The following FBN2 variants were observed in gnomAD, a reference collection of about 807,000 sequenced individuals.
FBN2 encodes the protein fibrillin 2.
In FBN2, 105 loss-of-function variants were observed where a neutral mutation model predicts 355.6. The observed-to-expected ratio is 0.30, with a 90% CI of 0.25 to 0.35. FBN2 has a LOEUF of 0.35. FBN2 is among the 10% of genes least tolerant of loss of function. FBN2 has a pLI of 1.00. For missense variants in FBN2, 3,280 were observed against 3,758.7 expected, an observed-to-expected ratio of 0.87 and a Z score of 3.33; for synonymous variants, 1,350 against 1,301.2, an observed-to-expected ratio of 1.04 and a Z score of -0.81.
chr5:128,294,398 C>T (rs964857915), intron 48 of FBN2, among the ~76,000 whole-genome samples: 100 of 152,258 alleles, frequency 6.6e-4, no homozygotes, highest in Admixed American at 1.9e-3. Flanking sequence ...TTCTAGATCC[C>T]TGAGGAATCG....
chr5:128,274,697 G>C lies in FBN2; in HGVS notation c.7595-14C>G, dbSNP rs771614468. On this transcript the variant is annotated splice_polypyrimidine_tract_variant and intron_variant, in intron 59 of 64. Coordinates refer to ENST00000262464, the MANE Select transcript of FBN2 (RefSeq NM_001999.4). Reference sequence around the variant, plus strand: ...ATTCATCAAGGTCTGAAATTAGAGAGAAGCCAGTGAAAATCACAGTAGACT... The same window carrying C: ...ATTCATCAAGGTCTGAAATTAGAGACAAGCCAGTGAAAATCACAGTAGACT... 4 of 1,482,632 alleles carry C rather than the reference G, an allele frequency of 2.7e-6. No individual in the cohort carries two copies. In the South Asian group the frequency reaches 3.4e-5, roughly 13 times the overall value. The allele number at this position is 1,482,632 out of a possible 1,614,324, so 91.8% of individuals were successfully genotyped here. A position where few individuals can be genotyped will look rare whatever the true frequency, so the allele number is the denominator to read the frequency against.
At chr5:128,292,137 C>T (rs1276823620) in intron 48 of FBN2, among the ~76,000 whole-genome samples, 1 of 152,160 alleles carries the variant, frequency 6.6e-6, no homozygotes, top group Non-Finnish European at 1.5e-5. Context: ...TGCCACCAGT[C>T]TCTCAACTGA....
intron 5 of FBN2, among the ~76,000 whole-genome samples, chr5:128,475,391 T>G (rs1195602992): frequency 6.6e-6 from 1 of 152,130 alleles, no homozygotes; most frequent in African/African-American, 2.4e-5. Context: ...CCTTTCAATA[T>G]TTAGACTCAA....
intron 4 of FBN2, among the ~76,000 whole-genome samples, chr5:128,523,945 C>G (rs931626842): frequency 6.6e-6 from 1 of 151,972 alleles, no homozygotes; most frequent in South Asian, 2.1e-4. Flanking sequence ...ATAATCCAGG[C>G]TCAACACAGC....
chr5:128,388,656 A>T (rs1752429613), intron 11 of FBN2, among the ~76,000 whole-genome samples: 1 of 152,244 alleles, frequency 6.6e-6, no homozygotes, highest in Non-Finnish European at 1.5e-5. Flanking sequence ...AATGCTGAAT[A>T]TAGGCACCCA....
intron 5 of FBN2, among the ~76,000 whole-genome samples, chr5:128,496,389 A>C (rs61578702): frequency 8.5e-4 from 129 of 152,272 alleles, no homozygotes; most frequent in African/African-American, 3.0e-3. Context: ...CAATCATTGT[A>C]ATACACCATA....
chr5:128,258,554 C>T lies in FBN2; in HGVS notation c.*901G>A, dbSNP rs1764876386. Reference sequence around the variant, plus strand: ...TTTCAAGGGAACGGCGGTTCTTCAGCTGCCTACAGTACCATGAGGACGCAG... The same window carrying T: ...TTTCAAGGGAACGGCGGTTCTTCAGTTGCCTACAGTACCATGAGGACGCAG... On this transcript the variant is annotated 3_prime_UTR_variant, in exon 65 of 65. Coordinates refer to ENST00000262464, the MANE Select transcript of FBN2 (RefSeq NM_001999.4). The T allele has an allele frequency of 1.3e-5, 2 of 152,560 alleles. No individual in the cohort carries two copies. Among genetic ancestry groups the T allele is most frequent in the Non-Finnish European group, 2.9e-5 (2 of 68,020 alleles). The allele number at this position is 152,560 out of a possible 1,614,324, so 9.5% of individuals were successfully genotyped here.
intron 5 of FBN2, among the ~76,000 whole-genome samples, 191 bp downstream of exon 5, chr5:128,519,082 G>A (rs1031442549): frequency 1.3e-5 from 2 of 152,100 alleles, no homozygotes; most frequent in African/African-American, 4.8e-5. Context: ...GAGTTCACTG[G>A]TGGAAAAAGT....
At chr5:128,346,245 C>T (rs181199599) in intron 23 of FBN2, among the ~76,000 whole-genome samples, 325 of 152,212 alleles carry the variant, frequency 2.1e-3, no homozygotes, top group Middle Eastern at 6.8e-3. Context: ...TATAAACAGT[C>T]GCCTACATCT....
rs766604067 is a variant in FBN2, at chr5:128,301,429, A to T, written c.5999T>A (p.Leu2000Gln). ...CFNEIGSFKC[L>Q]CNEGYELTPD... ...GGTAAGTTCATAACCTTCGTTACAT[A>T]GACACTTGAAAGAACCAATTTCATT... is the stretch of plus-strand genomic sequence containing the variant. Residue 2000 changes from leucine to glutamine, a missense_variant, in exon 47 of 65, where the codon CTA becomes CAA. Transcript: ENST00000262464. 4.3e-6 allele frequency: 7 copies of T among 1,613,176 alleles called. No homozygotes were observed. Among genetic ancestry groups the T allele is most frequent in the Non-Finnish European group, 5.9e-6 (7 of 1,179,366 alleles).
chr5:128,420,114 T>C (rs959533552), intron 7 of FBN2, among the ~76,000 whole-genome samples: 1 of 152,192 alleles, frequency 6.6e-6, no homozygotes, highest in Non-Finnish European at 1.5e-5. Context: ...TGGTATTTTT[T>C]AAAAAATGTA....
At chr5:128,303,232 G>A in intron 45 of FBN2, 143 bp from the exon 46 acceptor site, 1 of 655,778 alleles carries the variant, frequency 1.5e-6, no homozygotes, top group Non-Finnish European at 2.7e-6. Flanking sequence ...AGGAAAATGA[G>A]TAAGAGATAC....
At position 128,340,296 on chromosome 5, in the gene FBN2, T is replaced by G. The variant is rs938836837; in HGVS notation, c.3344-1235A>C. 6.6e-5 allele frequency among the ~76,000 whole-genome samples: 10 copies of G among 152,212 alleles called. No homozygotes were observed. The East Asian group carries it at 1.3e-3, about 21-fold the overall frequency. On this transcript the variant is annotated intron_variant, in intron 25 of 64. Transcript: ENST00000262464. The stretch of plus-strand genomic sequence containing the variant: ...TAGTGCATAATTTGTGCATGTTCTC[T>G]TGAGAGGGGGGTCTCAGTCTCTGCT...
intron 8 of FBN2, 134 bp downstream of exon 8, chr5:128,408,539 TG>T: frequency 9.7e-7 from 1 of 1,025,674 alleles, no homozygotes; most frequent in Non-Finnish European, 1.5e-6. Context: ...CCCTCAATAC[TG>T]GTACCGTTTA....
chr5:128,469,685 G>A (rs937715267), intron 5 of FBN2, among the ~76,000 whole-genome samples: 2 of 152,132 alleles, frequency 1.3e-5, no homozygotes, highest in Admixed American at 6.5e-5. Flanking sequence ...AAATTGTACA[G>A]GTGAACAGAG....
intron 7 of FBN2, among the ~76,000 whole-genome samples, chr5:128,443,079 G>A (rs1440147730): frequency 2.6e-5 from 4 of 152,170 alleles, no homozygotes; most frequent in Admixed American, 6.5e-5. Flanking sequence ...CAGTGAATGA[G>A]CAGAAGACAT....
intron 5 of FBN2, among the ~76,000 whole-genome samples, chr5:128,477,015 C>T (rs1356530932): frequency 6.6e-6 from 1 of 152,222 alleles, no homozygotes; most frequent in Admixed American, 6.5e-5. Flanking sequence ...ACTGCAGAAT[C>T]TGTGGCATGA....
At chr5:128,298,257 G>T (rs1400033849) in intron 48 of FBN2, among the ~76,000 whole-genome samples, 1 of 150,620 alleles carries the variant, frequency 6.6e-6, no homozygotes, top group Non-Finnish European at 1.5e-5. Context: ...TTTCTCTCTG[G>T]CTGCCCTTAA....
intron 7 of FBN2, among the ~76,000 whole-genome samples, chr5:128,428,645 T>A (rs1561452419): frequency 6.6e-6 from 1 of 152,238 alleles, no homozygotes; most frequent in Non-Finnish European, 1.5e-5. Flanking sequence ...TAGGCTCTCA[T>A]CCTGTTTTAT....
Sources: allele counts gnomAD v4.1 joint callset (sites outside exome capture counted in the v4.1 genomes callset), GRCh38; gene constraint gnomAD v4.1.1; transcripts MANE v1.5; gene names NCBI Gene and HGNC (gene_info 2026-07-23, HGNC 2026-07-21).